C4orf50: variants seen among roughly 807,000 people sequenced by gnomAD.
The protein encoded by C4orf50 is uncharacterized protein C4orf50.
Under a neutral mutation model 77.2 loss-of-function variants are expected in C4orf50, and 80 were observed. That is an observed-to-expected ratio of 1.04 (90% confidence interval 0.87 to 1.25). The LOEUF is 1.25. C4orf50 is among the 50% of genes most tolerant of loss of function. C4orf50 has a pLI of 0.00. For synonymous variants in C4orf50, 532 were observed against 465.3 expected (o/e 1.14, Z -1.84); for missense variants, 1,257 against 1,152.9 (o/e 1.09, Z -1.31).
At chr4:5,897,919 C>G (rs992302516) in exon 8 of C4orf50, 1 of 152,168 alleles carries the variant, frequency 6.6e-6, no homozygotes, top group Non-Finnish European at 1.5e-5. Flanking sequence ...GTCGCTGGAC[C>G]ACTCCCGTGT....
intron 7 of C4orf50, chr4:5,898,715 G>A (rs1716227254): frequency 6.6e-6 from 1 of 152,138 alleles, no homozygotes; most frequent in Non-Finnish European, 1.5e-5. Flanking sequence ...CTCAAAGTTA[G>A]TATCAAGTTT....
chr4:5,915,082 T>C (rs1269952990), intron 7 of C4orf50, among the ~76,000 whole-genome samples: 1 of 152,198 alleles, frequency 6.6e-6, no homozygotes, highest in Non-Finnish European at 1.5e-5. Context: ...GTCTCTGCCC[T>C]GCTTCCAGTT....
intron 7 of C4orf50, chr4:5,923,388 A>C (rs1322073607): frequency 6.5e-6 from 1 of 154,208 alleles, no homozygotes; most frequent in African/African-American, 2.4e-5. Context: ...ATGTGCTACT[A>C]ATTGTGTTCA....
intron 7 of C4orf50, among the ~76,000 whole-genome samples, chr4:5,918,842 C>A (rs535916159): frequency 6.6e-6 from 1 of 152,314 alleles, no homozygotes; most frequent in South Asian, 2.1e-4. Flanking sequence ...CCAAAAGTGT[C>A]CCTCCCTGGA....
At position 5,970,532 on chromosome 4, in the gene C4orf50, G is replaced by T. The variant is rs114251750; in HGVS notation, c.4105-3070C>A. On this transcript the variant is annotated intron_variant, in intron 31 of 33. Coordinates refer to ENST00000531445, the Ensembl canonical transcript of C4orf50. This position sits in a 1 kb window ranked among gnomAD's most constrained non-coding sequence, Gnocchi z 4.3. ...TGACCCGGATGGCACAACAGCAGAT[G>T]CCAGCACAGACAGCGGTGCTGGGAC... Among the ~76,000 whole-genome samples, 471 of 152,298 alleles carry T rather than the reference G, an allele frequency of 3.1e-3. 2 individuals carry two copies. The highest frequency in any genetic ancestry group is 0.011 in the African/African-American group (454 of 41,574).
chr4:5,988,049 G>A (rs895172475), intron 28 of C4orf50, among the ~76,000 whole-genome samples: 3 of 151,208 alleles, frequency 2.0e-5, no homozygotes, highest in East Asian at 1.9e-4. Flanking sequence ...TGAACACCCC[G>A]TGGGTGCCCT....
chr4:5,974,102 C>T (rs1019386393), intron 30 of C4orf50, among the ~76,000 whole-genome samples: 35 of 152,312 alleles, frequency 2.3e-4, no homozygotes, highest in Non-Finnish European at 4.1e-4. Context: ...GGGTCAAGAG[C>T]GTGGATTTGG....
rs139221399 is a variant in C4orf50, at chr4:6,017,579, G to T, written c.287+566C>A. Among the ~76,000 whole-genome samples the T allele has an allele frequency of 2.4e-4, 37 of 152,288 alleles. No individual in the cohort carries two copies. Among genetic ancestry groups the T allele is most frequent in the Non-Finnish European group, 4.6e-4 (31 of 68,026 alleles). On this transcript the variant is annotated intron_variant, in intron 23 of 33. Transcript: ENST00000531445. This position sits in a 1 kb window ranked among gnomAD's most constrained non-coding sequence, Gnocchi z 4.7. ...CATTGCAGAAACCATAGGCTGTGATGCCTGTAGCCACCTATGCAAGCCTTC... is the reference window on the plus strand; with the variant it reads ...CATTGCAGAAACCATAGGCTGTGATTCCTGTAGCCACCTATGCAAGCCTTC...
chr4:5,911,538 A>C (rs547861542), intron 7 of C4orf50, among the ~76,000 whole-genome samples: 295 of 152,338 alleles, frequency 1.9e-3, no homozygotes, highest in African/African-American at 6.7e-3. Flanking sequence ...CTGGCTGCCT[A>C]CAGGTCCATC....
chr4:5,993,125 T>A (rs1309972032), intron 26 of C4orf50, among the ~76,000 whole-genome samples, 195 bp from the exon 5 acceptor site: 1 of 147,604 alleles, frequency 6.8e-6, no homozygotes, highest in Admixed American at 6.8e-5. Context: ...AGACGTGAAA[T>A]AGCCAACAGC....
chr4:5,939,146 G>A (rs1300427520), intron 7 of C4orf50, among the ~76,000 whole-genome samples: 1 of 152,166 alleles, frequency 6.6e-6, no homozygotes, highest in Non-Finnish European at 1.5e-5. Context: ...CAGAGGCTGA[G>A]GCAGGAGAAT....
At chr4:5,938,956 TG>T (rs1238211551) in intron 7 of C4orf50, among the ~76,000 whole-genome samples, 1 of 152,074 alleles carries the variant, frequency 6.6e-6, no homozygotes, top group African/African-American at 2.4e-5. Flanking sequence ...ATGAAAGAAA[TG>T]GGGGCAGGGC....
intron 7 of C4orf50, among the ~76,000 whole-genome samples, chr4:5,939,598 C>G (rs745567901): frequency 6.6e-6 from 1 of 152,224 alleles, no homozygotes; most frequent in Non-Finnish European, 1.5e-5. Context: ...CAGAGGCTTT[C>G]TCATTCCATT....
intron 7 of C4orf50, among the ~76,000 whole-genome samples, chr4:5,917,997 G>A (rs1321270851): frequency 2.0e-5 from 3 of 152,156 alleles, no homozygotes; most frequent in African/African-American, 7.2e-5. Context: ...TGACGACTAA[G>A]AAAAATGATT....
intron 7 of C4orf50, among the ~76,000 whole-genome samples, chr4:5,914,371 A>AT (rs964368658): frequency 6.6e-5 from 10 of 151,644 alleles, no homozygotes; most frequent in African/African-American, 1.9e-4. Context: ...TGCCCAGCTA[A>AT]TTTTTTTTAT....
exon 33 of C4orf50, chr4:5,965,085 T>G: frequency 6.2e-7 from 1 of 1,613,802 alleles, no homozygotes; most frequent in South Asian, 1.1e-5. Flanking sequence ...AGGCCAGGAC[T>G]CTGAAGACAA....
At chr4:5,927,581 C>T (rs1346390836) in intron 7 of C4orf50, among the ~76,000 whole-genome samples, 3 of 151,898 alleles carry the variant, frequency 2.0e-5, no homozygotes, top group Non-Finnish European at 4.4e-5. Flanking sequence ...AGGGAGTTCT[C>T]ATGAGATCTG....
At chr4:5,965,297 C>A (rs1355209596) in intron 32 of C4orf50, 152 bp from the exon 11 acceptor site, 2 of 711,702 alleles carry the variant, frequency 2.8e-6, no homozygotes, top group Admixed American at 3.1e-5. Flanking sequence ...CTCTCAGATG[C>A]CTTTGAGCTC....
chr4:5,986,210 A>T (rs746979705), intron 28 of C4orf50, among the ~76,000 whole-genome samples: 139 of 152,324 alleles, frequency 9.1e-4, no homozygotes, highest in Non-Finnish European at 3.7e-4. Context: ...TTACAAGGGT[A>T]TGTGGGATAT....
Sources: gnomAD v4.1 joint callset for allele counts (sites outside exome capture counted in the v4.1 genomes callset) on GRCh38, gnomAD v4.1.1 for gene constraint, Gnocchi (gnomAD v3.1) non-coding constraint, MANE v1.5 for transcripts, NCBI Gene and HGNC (gene_info 2026-07-23, HGNC 2026-07-21) for gene names.